Variants in PCDHGB2 observed in about 807,000 individuals in gnomAD.
The protein encoded by PCDHGB2 is protocadherin gamma-B2.
PCDHGB2 carries 55 observed loss-of-function variants against 59.3 expected under a neutral mutation model. The observed-to-expected ratio is 0.93, with a 90% CI of 0.75 to 1.16. The LOEUF is 1.16. PCDHGB2 is among the 50% of genes most tolerant of loss of function. The pLI is 0.00. For missense variants in PCDHGB2, 1,228 were observed against 1,198.5 expected, an observed-to-expected ratio of 1.02 and a Z score of -0.36; for synonymous variants, 516 against 512.0, an observed-to-expected ratio of 1.01 and a Z score of -0.11.
Position 141,431,075 on chromosome 5 carries a change from C to G in PCDHGB2, c.2422-63732C>G. ...GGGGGCCATCAAGTGTCAATTAAAT[C>G]TAGACATTCTGATGGAGGATAAAGT... is the stretch of plus-strand genomic sequence containing the variant. On this transcript the variant is annotated intron_variant, in intron 1 of 3. Coordinates refer to ENST00000522605, the MANE Select transcript of PCDHGB2 (RefSeq NM_018923.3). The surrounding 1 kb of genome is among the most constrained non-coding windows in gnomAD (Gnocchi z 4.8). 1 of 1,614,156 alleles carries G rather than the reference C, an allele frequency of 6.2e-7. No homozygotes were observed. Among genetic ancestry groups the G allele is most frequent in the Non-Finnish European group, 8.5e-7 (1 of 1,179,984 alleles).
At chr5:141,389,664 G>T (rs1182835621) in intron 1 of PCDHGB2, 1 of 1,612,328 alleles carries the variant, frequency 6.2e-7, no homozygotes, top group African/African-American at 1.3e-5. Context: ...GGCGGTGGAC[G>T]CAGACTCAGG....
intron 1 of PCDHGB2, among the ~76,000 whole-genome samples, chr5:141,381,826 C>CTTTTTTTTTTTTTTTTTTTTTTTT (rs770630741): frequency 4.0e-5 from 3 of 74,284 alleles, no homozygotes; most frequent in African/African-American, 6.2e-5. Context: ...CTTTCTTCTT[C>CTTTTTTTTTTTTTTTTTTTTTTTT]TTTTTTTTTT....
chr5:141,414,116 A>C (rs760214999), intron 1 of PCDHGB2: 2 of 1,592,434 alleles, frequency 1.3e-6, no homozygotes, highest in Non-Finnish European at 1.7e-6. Context: ...CTAGATTATG[A>C]AGAAACCGGT....
chr5:141,471,003 C>A (rs2099246040), intron 1 of PCDHGB2, among the ~76,000 whole-genome samples: 1 of 151,658 alleles, frequency 6.6e-6, no homozygotes, highest in East Asian at 1.9e-4. Flanking sequence ...AGGCATGAGC[C>A]ACTGTGCCTG....
intron 1 of PCDHGB2, chr5:141,367,677 A>G (rs1045568085): frequency 2.0e-5 from 3 of 152,168 alleles, no homozygotes; most frequent in Non-Finnish European, 4.4e-5. Context: ...GGGCTTGTTG[A>G]GAGAAGAAAT....
chr5:141,374,827 T>G, intron 1 of PCDHGB2: 1 of 1,613,964 alleles, frequency 6.2e-7, no homozygotes, highest in Non-Finnish European at 8.5e-7. Flanking sequence ...CTGTCTACCG[T>G]GTAAGTGTTC....
chr5:141,437,377 A>G (rs1021305426), intron 1 of PCDHGB2, among the ~76,000 whole-genome samples: 3 of 152,246 alleles, frequency 2.0e-5, no homozygotes, highest in Non-Finnish European at 2.9e-5. Flanking sequence ...AATCAGTCAG[A>G]AGACATTCAT....
intron 1 of PCDHGB2, chr5:141,427,093 G>A (rs1446677593): frequency 2.2e-6 from 1 of 458,122 alleles, no homozygotes. Flanking sequence ...CAGGATGAGG[G>A]TGTCAATGCG....
chr5:141,421,748 G>C, intron 1 of PCDHGB2: 1 of 1,613,944 alleles, frequency 6.2e-7, no homozygotes, highest in Non-Finnish European at 8.5e-7. Flanking sequence ...TACCAGCTCA[G>C]CCCTAATAAT....
At chr5:141,379,592 TACCTGTGACCATTTCATTTAA>T (rs1451558055) in intron 1 of PCDHGB2, 2 of 152,236 alleles carry the variant, frequency 1.3e-5, no homozygotes, top group East Asian at 3.8e-4. Flanking sequence ...ATTCTCTTAT[TACCTGTGACCATTTCATTTAA>T]ACAAATAAAA....
intron 1 of PCDHGB2, chr5:141,376,411 C>CTTAGTT: frequency 1.9e-6 from 3 of 1,614,182 alleles, no homozygotes; most frequent in Non-Finnish European, 2.5e-6. Context: ...CCAACTATGC[C>CTTAGTT]GACACGCTTA....
At chr5:141,434,515 G>A (rs1032584764) in intron 1 of PCDHGB2, among the ~76,000 whole-genome samples, 1 of 152,296 alleles carries the variant, frequency 6.6e-6, no homozygotes, top group African/African-American at 2.4e-5. Context: ...CTGCTTAAAG[G>A]TGTTCTTAAA....
At chr5:141,388,414 A>G in intron 1 of PCDHGB2, 2 of 1,613,970 alleles carry the variant, frequency 1.2e-6, no homozygotes, top group Non-Finnish European at 1.7e-6. Context: ...CCCAGTGATC[A>G]TTTCTCACTG....
chr5:141,441,923 C>A, intron 1 of PCDHGB2: 2 of 351,136 alleles, frequency 5.7e-6, no homozygotes, highest in Non-Finnish European at 5.5e-6. Context: ...AGACACAATG[C>A]GTGGCTGTCC....
chr5:141,399,988 G>C, intron 1 of PCDHGB2: 1 of 1,612,442 alleles, frequency 6.2e-7, no homozygotes, highest in Non-Finnish European at 8.5e-7. Context: ...GCGCACAGGA[G>C]AGGTGCGCAC....
intron 1 of PCDHGB2, chr5:141,422,963 C>G (rs372620011): frequency 1.1e-5 from 17 of 1,614,238 alleles, no homozygotes; most frequent in Non-Finnish European, 1.4e-5. Context: ...GTGGAGCTGG[C>G]GCCCCGCTCT....
At chr5:141,375,323 G>A in intron 1 of PCDHGB2, 1 of 1,613,814 alleles carries the variant, frequency 6.2e-7, no homozygotes, top group Non-Finnish European at 8.5e-7. Context: ...AGACCGGGAA[G>A]AGGTATTCTT....
At chr5:141,379,059 G>A (rs1775341462) in intron 1 of PCDHGB2, 1 of 152,158 alleles carries the variant, frequency 6.6e-6, no homozygotes, top group Admixed American at 6.5e-5. Context: ...GAATGGATTG[G>A]CCACTTGTGC....
At chr5:141,503,598 C>CTAA (rs2099824827) in intron 2 of PCDHGB2, among the ~76,000 whole-genome samples, 2 of 65,752 alleles carry the variant, frequency 3.0e-5, no homozygotes, top group African/African-American at 9.3e-5. Flanking sequence ...GACTCCAGCT[C>CTAA]AAAAAAAAAA....
Sources: allele counts gnomAD v4.1 joint callset (sites outside exome capture counted in the v4.1 genomes callset), GRCh38; gene constraint gnomAD v4.1.1; non-coding constraint Gnocchi (gnomAD v3.1); transcripts MANE v1.5; gene names NCBI Gene and HGNC (gene_info 2026-07-23, HGNC 2026-07-21).